CLASRP: variants seen among roughly 807,000 people sequenced by gnomAD.
The protein encoded by CLASRP is CLK4 associating serine/arginine rich protein, also known as CLK4-associating serine/arginine rich protein.
A neutral mutation model predicts 99.9 loss-of-function variants in CLASRP; 52 were observed. That is an observed-to-expected ratio of 0.52 (90% CI 0.42 to 0.66). CLASRP has a LOEUF of 0.66. Ranked by LOEUF, CLASRP falls within the 30% of genes least tolerant of loss-of-function variation. The probability of loss-of-function intolerance (pLI) is 0.00; values close to 1 mark genes in which losing one functional copy is unlikely to be tolerated. For missense variants in CLASRP, 848 were observed against 999.2 expected, an observed-to-expected ratio of 0.85 and a Z score of 2.04; for synonymous variants, 379 against 373.0, an observed-to-expected ratio of 1.02 and a Z score of -0.18.
Position 45,060,657 on chromosome 19 carries a change from C to T in CLASRP, c.863+30C>T, listed in dbSNP as rs1288459476. The T allele has an allele frequency of 1.3e-6, 2 of 1,520,810 alleles. No individual in the cohort carries two copies. Among genetic ancestry groups the T allele is most frequent in the African/African-American group, 2.7e-5 (2 of 72,966 alleles). 94.2% of individuals were successfully genotyped at this position (1,520,810 alleles called of 1,614,324 possible). A position where few individuals can be genotyped will look rare whatever the true frequency, so the allele number is the denominator to read the frequency against. On this transcript the variant is annotated intron_variant, in intron 10 of 20. Transcript: ENST00000221455. This position sits in a 1 kb window ranked among gnomAD's most constrained non-coding sequence, Gnocchi z 4.6. ...GGCTTCTCCCTGAACCCCCACCCTG[C>T]TGGCATCTGGGGGAGGAGAGCAGGG... is the stretch of plus-strand genomic sequence containing the variant.
Position 45,053,188 on chromosome 19 carries a change from T to C in CLASRP, c.379+11T>C, listed in dbSNP as rs1972058632. 1 of 1,613,376 alleles carries C rather than the reference T, an allele frequency of 6.2e-7. No homozygotes were observed. Among genetic ancestry groups the C allele is most frequent in the Non-Finnish European group, 8.5e-7 (1 of 1,179,592 alleles). On this transcript the variant is annotated intron_variant, in intron 5 of 20. Transcript: ENST00000221455. ...ACGACTTTGCCGGCAGTGAGTGATC[T>C]GTGGGGGGACGTGGGGTGTGGGGTT...
At position 45,043,411 on chromosome 19, in the gene CLASRP, C is replaced by CAAA. The variant is rs34898629; in HGVS notation, c.99+3121_99+3123dup. Among the ~76,000 whole-genome samples, 508 of 81,610 alleles carry CAAA rather than the reference C, an allele frequency of 6.2e-3. 3 individuals are homozygous for CAAA. Among genetic ancestry groups the CAAA allele is most frequent in the African/African-American group, 0.024 (470 of 19,416 alleles). 53.5% of individuals were successfully genotyped at this position (81,610 alleles called of 152,430 possible). A position where few individuals can be genotyped will look rare whatever the true frequency, so the allele number is the denominator to read the frequency against. On this transcript the variant is annotated intron_variant, in intron 2 of 20. Coordinates refer to ENST00000221455, the MANE Select transcript of CLASRP (RefSeq NM_007056.3). ...TGGGCGACAGAGCGAGACTCCGTCC[C>CAAA]AAAAAAAAAAAAAAAAAAAAAAATT...
intron 11 of CLASRP, among the ~76,000 whole-genome samples, chr19:45,063,681 C>T (rs1215366006): frequency 6.6e-6 from 1 of 151,922 alleles, no homozygotes; most frequent in Non-Finnish European, 1.5e-5. Flanking sequence ...AACTCCTGGT[C>T]TCAAGTGATC....
At chr19:45,052,309 T>C in intron 3 of CLASRP, 141 bp downstream of exon 3, 1 of 676,458 alleles carries the variant, frequency 1.5e-6, no homozygotes, top group Non-Finnish European at 2.6e-6. Context: ...GACCCGCATA[T>C]GAAGGTGATA....
At chr19:45,063,971 C>T (rs1188981813) in intron 11 of CLASRP, 41 bp from the exon 12 acceptor site, 10 of 1,560,062 alleles carry the variant, frequency 6.4e-6, no homozygotes, top group South Asian at 2.4e-5. Context: ...GAAGAGGCTC[C>T]GGGAGCCTGA....
At position 45,067,552 on chromosome 19, in the gene CLASRP, C is replaced by A; in HGVS notation, c.1625C>A (p.Thr542Asn). 1 of 1,605,506 alleles carries A rather than the reference C, an allele frequency of 6.2e-7. No homozygotes were observed. The highest frequency in any genetic ancestry group is 1.1e-5 in the South Asian group (1 of 90,844). Residue 542 changes from threonine to asparagine, a missense_variant, in exon 14 of 21, where the codon ACC (threonine) becomes AAC (asparagine). Physicochemically the swap from Thr to Asn is moderately conservative, Grantham distance 65. Transcript: ENST00000221455. This position sits in a 1 kb window ranked among gnomAD's most constrained non-coding sequence, Gnocchi z 4.9. Reference protein sequence around the residue: ...PSPSPAREKLTRPAASPAVGE... With the variant: ...PSPSPAREKLNRPAASPAVGE... ...CCATCACCCGCAAGAGAGAAGCTGA[C>A]CAGGCCGGCCGCGTCCCCTGCTGTG...
In CLASRP at chr19:45,063,965, A is replaced by G. The variant is rs778966940; in HGVS notation, c.906-47A>G. 8 of 1,548,960 alleles carry G rather than the reference A, an allele frequency of 5.2e-6. No homozygotes were observed. In the Admixed American group the frequency reaches 1.6e-4, roughly 30 times the overall value. On this transcript the variant is annotated intron_variant, in intron 11 of 20. Transcript: ENST00000221455. Reference sequence around the variant, plus strand: ...TCTGCTGTGTGTGCTGTTCCCGAAGAGGCTCCGGGAGCCTGAGCTAGTGAG... The same window carrying G: ...TCTGCTGTGTGTGCTGTTCCCGAAGGGGCTCCGGGAGCCTGAGCTAGTGAG...
chr19:45,043,349 T>C (rs1180437209), intron 2 of CLASRP, among the ~76,000 whole-genome samples: 1 of 147,168 alleles, frequency 6.8e-6, no homozygotes, highest in Non-Finnish European at 1.5e-5. Context: ...GAGACAGAGC[T>C]TGCAGTGAGC....
intron 5 of CLASRP, among the ~76,000 whole-genome samples, chr19:45,055,469 G>T (rs910338203): frequency 6.6e-6 from 1 of 152,228 alleles, no homozygotes; most frequent in Admixed American, 6.5e-5. Context: ...TGGGGTATCT[G>T]CTAGAACAAG....
Position 45,058,020 on chromosome 19 carries a change from AG to A in CLASRP, c.613+125del. ...CGTGTCTCTCTCCCTACCCCGCCCC[AG>A]GGCACACCAGCCTCCTGCTGCCCCT... is the stretch of plus-strand genomic sequence containing the variant. On this transcript the variant is annotated intron_variant, in intron 7 of 20. Transcript: ENST00000221455. The A allele has an allele frequency of 4.0e-6, 5 of 1,250,992 alleles. No homozygotes were observed. In the South Asian group the frequency reaches 7.1e-5, roughly 18 times the overall value. 77.5% of individuals were successfully genotyped at this position (1,250,992 alleles called of 1,614,324 possible). A position where few individuals can be genotyped will look rare whatever the true frequency, so the allele number is the denominator to read the frequency against.
At chr19:45,056,259 C>T (rs572733321) in intron 5 of CLASRP, among the ~76,000 whole-genome samples, 191 bp from the exon 6 acceptor site, 7 of 152,320 alleles carry the variant, frequency 4.6e-5, no homozygotes, top group East Asian at 1.9e-4. Flanking sequence ...TGACCAAGGT[C>T]GTGTGTCCAA....
chr19:45,043,195 TTGTGTG>T lies in CLASRP; in HGVS notation c.99+2920_99+2925del, dbSNP rs58669276. On this transcript the variant is annotated intron_variant, in intron 2 of 20. Coordinates refer to ENST00000221455, the MANE Select transcript of CLASRP (RefSeq NM_007056.3). ...CCAAGCACTTCAGATAAGGAATACT[TTGTGTG>T]TGTGTGTGTGTGTGTGTGTGTGTGT... Among the ~76,000 whole-genome samples the T allele has an allele frequency of 1.1e-3, 153 of 134,746 alleles. 1 individual carries two copies. The highest frequency in any genetic ancestry group is 3.5e-3 in the South Asian group (14 of 3,978). The allele number at this position is 134,746 out of a possible 152,430, so 88.4% of individuals were successfully genotyped here.
intron 1 of CLASRP, 48 bp from the exon 2 acceptor site, chr19:45,040,136 T>C: frequency 9.6e-7 from 1 of 1,041,504 alleles, no homozygotes; most frequent in Non-Finnish European, 1.5e-6. Context: ...ATTCTGCCCA[T>C]ACGGGTTTCA....
At chr19:45,046,271 C>T (rs1345358118) in intron 2 of CLASRP, among the ~76,000 whole-genome samples, 1 of 152,176 alleles carries the variant, frequency 6.6e-6, no homozygotes, top group East Asian at 1.9e-4. Context: ...TGGTTTCTGT[C>T]TTCCTGATTT....
intron 2 of CLASRP, among the ~76,000 whole-genome samples, chr19:45,047,106 A>G (rs1275808546): frequency 6.6e-6 from 1 of 152,188 alleles, no homozygotes; most frequent in Admixed American, 6.6e-5. Flanking sequence ...GCAATAGCCA[A>G]GAGGTGGACG....
intron 5 of CLASRP, among the ~76,000 whole-genome samples, chr19:45,055,906 C>T (rs1332614221): frequency 6.6e-6 from 1 of 152,192 alleles, no homozygotes; most frequent in Non-Finnish European, 1.5e-5. Context: ...CACTGTCCCA[C>T]AGCGAGTCAG....
intron 2 of CLASRP, among the ~76,000 whole-genome samples, chr19:45,048,804 G>A (rs967903381): frequency 6.6e-6 from 1 of 152,100 alleles, no homozygotes; most frequent in Admixed American, 6.6e-5. Context: ...TGGCCAACAT[G>A]GTGAAGCCCT....
intron 13 of CLASRP, among the ~76,000 whole-genome samples, chr19:45,065,563 GAAA>G (rs536324017): frequency 1.8e-5 from 2 of 113,468 alleles, no homozygotes; most frequent in Admixed American, 9.0e-5. Context: ...TGCGTCTCAA[GAAA>G]AAAAAAAAAA....
At chr19:45,047,898 A>G (rs1971951228) in intron 2 of CLASRP, among the ~76,000 whole-genome samples, 2 of 152,086 alleles carry the variant, frequency 1.3e-5, no homozygotes, top group African/African-American at 2.4e-5. Context: ...AGCCTGGCCA[A>G]CGTGGTGAAA....
Sources: gnomAD v4.1 joint callset for allele counts (sites outside exome capture counted in the v4.1 genomes callset) on GRCh38, gnomAD v4.1.1 for gene constraint, Gnocchi (gnomAD v3.1) non-coding constraint, MANE v1.5 for transcripts, NCBI Gene and HGNC (gene_info 2026-07-23, HGNC 2026-07-21) for gene names.